ERBB4: variants seen among roughly 807,000 people sequenced by gnomAD.
ERBB4 encodes receptor tyrosine-protein kinase erbB-4.
In ERBB4, 42 loss-of-function variants were observed where a neutral mutation model predicts 158.0. The ratio of observed to expected loss-of-function variants is 0.27; its 90% CI spans 0.21 to 0.34. The LOEUF is 0.34. Ranked by LOEUF, ERBB4 falls within the 10% of genes least tolerant of loss-of-function variation. ERBB4 has a pLI of 1.00. For synonymous variants in ERBB4, 583 were observed against 558.7 expected (o/e 1.04, Z -0.61); for missense variants, 1,333 against 1,624.1 (o/e 0.82, Z 3.08).
intron 25 of ERBB4, among the ~76,000 whole-genome samples, chr2:211,404,909 G>A (rs2063118080): frequency 6.6e-6 from 1 of 152,074 alleles, no homozygotes. Flanking sequence ...AGTTATTTTT[G>A]TTGTTGGAGA....
intron 1 of ERBB4, among the ~76,000 whole-genome samples, chr2:212,344,069 G>A (rs1170162636): frequency 6.6e-6 from 1 of 152,064 alleles, no homozygotes; most frequent in African/African-American, 2.4e-5. Context: ...TGCTGTTAAT[G>A]GGAAAAATTT....
intron 25 of ERBB4, among the ~76,000 whole-genome samples, chr2:211,391,596 G>A (rs1471761620): frequency 6.6e-6 from 1 of 152,154 alleles, no homozygotes; most frequent in African/African-American, 2.4e-5. Flanking sequence ...ATCGCTGGGA[G>A]ATTGTATGAT....
intron 1 of ERBB4, among the ~76,000 whole-genome samples, chr2:212,203,535 T>C (rs1418599515): frequency 1.8e-4 from 28 of 152,172 alleles, no homozygotes; most frequent in Admixed American, 1.8e-3. Flanking sequence ...GGGAAAGTTT[T>C]GAAAATAAGA....
At chr2:212,422,384 G>T (rs1268534427) in intron 1 of ERBB4, among the ~76,000 whole-genome samples, 2 of 152,048 alleles carry the variant, frequency 1.3e-5, no homozygotes, top group Non-Finnish European at 2.9e-5. Context: ...TGTAGTCCCA[G>T]CTACTCAGGA....
At position 211,420,593 on chromosome 2, in the gene ERBB4, G is replaced by T; in HGVS notation, c.2983C>A (p.Leu995Ile). The T allele has an allele frequency of 6.2e-7, 1 of 1,610,674 alleles. No individual in the cohort carries two copies. The highest frequency in any genetic ancestry group is 1.1e-5 in the South Asian group (1 of 91,034). Residue 995 changes from leucine (L) to isoleucine (I), a missense_variant, in exon 25 of 28, where the codon CTT (leucine) becomes ATT (isoleucine). Physicochemically the swap from Leu to Ile is conservative, Grantham distance 5. Transcript: ENST00000342788. The part of the protein sequence containing the change: ...LVIQGDDRMK[L>I]PSPNDSKFFQ... ...AACTTGCTGTCATTTGGACTGGGAA[G>T]CTTCATACGATCATCACCCTAAAAG...
intron 3 of ERBB4, among the ~76,000 whole-genome samples, chr2:211,946,972 A>G (rs1194286345): frequency 6.6e-6 from 1 of 152,130 alleles, no homozygotes; most frequent in Non-Finnish European, 1.5e-5. Flanking sequence ...TGAATAAGAG[A>G]AATCAAAACT....
intron 19 of ERBB4, among the ~76,000 whole-genome samples, chr2:211,612,655 G>A (rs1391494613): frequency 6.6e-6 from 1 of 151,922 alleles, no homozygotes; most frequent in African/African-American, 2.4e-5. Context: ...CAGGAGCTCT[G>A]TAAGCTAAGA....
intron 22 of ERBB4, among the ~76,000 whole-genome samples, chr2:211,424,776 A>C (rs2063589240): frequency 6.6e-6 from 1 of 151,478 alleles, no homozygotes; most frequent in Admixed American, 6.6e-5. Flanking sequence ...ATGTTACAAT[A>C]AAGAATTGTG....
chr2:212,241,048 T>C (rs566804835), intron 1 of ERBB4, among the ~76,000 whole-genome samples: 4 of 152,180 alleles, frequency 2.6e-5, no homozygotes, highest in Non-Finnish European at 5.9e-5. Context: ...GTAGATTTAT[T>C]TCCAGGAAAT....
chr2:211,851,747 A>G (rs967071637), intron 3 of ERBB4, among the ~76,000 whole-genome samples: 4 of 152,040 alleles, frequency 2.6e-5, no homozygotes, highest in African/African-American at 9.6e-5. Context: ...AATAGTGAAA[A>G]AGCAAATAAG....
chr2:212,118,747 C>T (rs1441113628), intron 2 of ERBB4, among the ~76,000 whole-genome samples: 9 of 151,882 alleles, frequency 5.9e-5, no homozygotes, highest in Admixed American at 5.9e-4. Context: ...TTTTAGATGG[C>T]ATTATTTCTT....
At chr2:211,980,455 G>T (rs990120944) in intron 2 of ERBB4, among the ~76,000 whole-genome samples, 4 of 152,120 alleles carry the variant, frequency 2.6e-5, no homozygotes, top group African/African-American at 9.7e-5. Context: ...TAATCAACAT[G>T]ATTTGCATTA....
chr2:211,447,124 A>G (rs1321471600), intron 20 of ERBB4, among the ~76,000 whole-genome samples: 2 of 152,192 alleles, frequency 1.3e-5, no homozygotes, highest in African/African-American at 4.8e-5. Context: ...GTTTATTTGA[A>G]TCATAACTTC....
At chr2:212,210,665 C>T (rs2082907004) in intron 1 of ERBB4, among the ~76,000 whole-genome samples, 1 of 152,028 alleles carries the variant, frequency 6.6e-6, no homozygotes, top group Non-Finnish European at 1.5e-5. Context: ...TTGATGCCTG[C>T]TTTTTCATGA....
intron 3 of ERBB4, among the ~76,000 whole-genome samples, chr2:211,878,062 C>G (rs1475864450): frequency 6.6e-6 from 1 of 152,200 alleles, no homozygotes; most frequent in Non-Finnish European, 1.5e-5. Flanking sequence ...GAGCCTAGAT[C>G]ACGCCACTGC....
chr2:211,865,541 G>A (rs2078183022), intron 3 of ERBB4, among the ~76,000 whole-genome samples: 1 of 152,056 alleles, frequency 6.6e-6, no homozygotes, highest in Non-Finnish European at 1.5e-5. Context: ...AGGCTGGAGT[G>A]CAATGGCGTG....
At chr2:211,762,002 ACC>A (rs572351429) in intron 4 of ERBB4, among the ~76,000 whole-genome samples, 65 of 152,326 alleles carry the variant, frequency 4.3e-4, no homozygotes, top group Non-Finnish European at 7.6e-4. Flanking sequence ...AGGTAATGAT[ACC>A]TACTTCACAT....
chr2:212,202,015 T>C (rs2082600215), intron 1 of ERBB4, among the ~76,000 whole-genome samples: 1 of 152,230 alleles, frequency 6.6e-6, no homozygotes, highest in Admixed American at 6.5e-5. Flanking sequence ...TTATTCATTC[T>C]GTATACTGAA....
intron 4 of ERBB4, among the ~76,000 whole-genome samples, chr2:211,774,303 C>T (rs1197721207): frequency 6.6e-6 from 1 of 152,046 alleles, no homozygotes; most frequent in Non-Finnish European, 1.5e-5. Context: ...AACTCCTAAC[C>T]TCAGGTGATG....
Sources: gnomAD v4.1 joint callset for allele counts (sites outside exome capture counted in the v4.1 genomes callset) on GRCh38, gnomAD v4.1.1 for gene constraint, MANE v1.5 for transcripts, NCBI Gene and HGNC (gene_info 2026-07-23, HGNC 2026-07-21) for gene names.